Variants in PTPRT observed in about 807,000 individuals in gnomAD.
PTPRT encodes protein tyrosine phosphatase receptor type T.
PTPRT carries 56 observed loss-of-function variants against 176.8 expected under a neutral mutation model. The ratio of observed to expected loss-of-function variants is 0.32; its 90% CI spans 0.26 to 0.40. PTPRT has a LOEUF of 0.40. Among genes scored for constraint, PTPRT ranks in the 10% least tolerant of loss-of-function variants. PTPRT has a pLI of 1.00. For missense variants in PTPRT, 1,540 were observed against 1,908.2 expected (o/e 0.81, Z 3.60); for synonymous variants, 783 against 739.0 (o/e 1.06, Z -0.96).
intron 16 of PTPRT, among the ~76,000 whole-genome samples, chr20:42,175,083 C>T (rs1990234772): frequency 6.6e-6 from 1 of 151,838 alleles, no homozygotes; most frequent in Non-Finnish European, 1.5e-5. Flanking sequence ...TCCTTGAATC[C>T]CCTCTTCCTT....
intron 5 of PTPRT, among the ~76,000 whole-genome samples, chr20:42,768,541 C>T (rs979971414): frequency 2.0e-5 from 3 of 152,206 alleles, no homozygotes. Flanking sequence ...ATCTCACAGA[C>T]ATTGTGAACT....
chr20:42,260,365 A>C lies in PTPRT; in HGVS notation c.2177-11543T>G, dbSNP rs561861289. ...CCTTGCTTATAGAATCTGTGCTTTG[A>C]GCCTGGAGCTCAGGAGGCTCAAAGC... On this transcript the variant is annotated intron_variant, in intron 13 of 30. Transcript: ENST00000373187. 2.0e-5 allele frequency among the ~76,000 whole-genome samples: 3 copies of C among 152,246 alleles called. No individual in the cohort carries two copies. The East Asian group carries it at 5.8e-4, about 29-fold the overall frequency.
chr20:43,009,303 C>T (rs989105763), intron 1 of PTPRT, among the ~76,000 whole-genome samples: 1 of 152,166 alleles, frequency 6.6e-6, no homozygotes, highest in Non-Finnish European at 1.5e-5. Flanking sequence ...CCCCTGTGCC[C>T]AGCCCTGTGA....
At chr20:42,994,075 A>G (rs961769548) in intron 1 of PTPRT, among the ~76,000 whole-genome samples, 4 of 152,168 alleles carry the variant, frequency 2.6e-5, no homozygotes, top group African/African-American at 9.7e-5. Flanking sequence ...TATAATTTAA[A>G]ATATGTGTGG....
rs1209263931 is a variant in PTPRT, at chr20:42,593,710, AG to A, written c.1153+84155del. ...TAGCAACTCTCCCACTCACAATGGCAGTCCCGATTGCACAAAGAATCCAGTA... is the reference window on the plus strand; with the variant it reads ...TAGCAACTCTCCCACTCACAATGGCATCCCGATTGCACAAAGAATCCAGTA... On this transcript the variant is annotated intron_variant, in intron 7 of 30. Transcript: ENST00000373187. Among the ~76,000 whole-genome samples the A allele has an allele frequency of 3.9e-5, 6 of 152,346 alleles. No homozygotes were observed. The East Asian group carries it at 1.2e-3, about 29-fold the overall frequency.
intron 11 of PTPRT, among the ~76,000 whole-genome samples, chr20:42,344,726 C>T (rs999736930): frequency 1.3e-5 from 2 of 152,144 alleles, no homozygotes; most frequent in African/African-American, 4.8e-5. Context: ...GGGCACTCAC[C>T]TTCCCAATGT....
At chr20:42,252,997 C>T (rs1160885520) in intron 13 of PTPRT, among the ~76,000 whole-genome samples, 2 of 152,184 alleles carry the variant, frequency 1.3e-5, no homozygotes, top group African/African-American at 4.8e-5. Flanking sequence ...GGGGAACTTG[C>T]CCTAGACTCT....
intron 7 of PTPRT, among the ~76,000 whole-genome samples, chr20:42,514,169 C>T (rs183472294): frequency 2.0e-5 from 3 of 152,116 alleles, no homozygotes; most frequent in Non-Finnish European, 2.9e-5. Flanking sequence ...CTAAAATATA[C>T]GATATATTCA....
chr20:42,310,473 G>A (rs1015784954), intron 12 of PTPRT, among the ~76,000 whole-genome samples: 5 of 152,186 alleles, frequency 3.3e-5, no homozygotes, highest in Admixed American at 2.0e-4. Context: ...GCTACAAGGG[G>A]AGAGTCAAGG....
At chr20:42,907,646 C>T (rs1223020114) in intron 1 of PTPRT, among the ~76,000 whole-genome samples, 2 of 151,966 alleles carry the variant, frequency 1.3e-5, no homozygotes, top group Admixed American at 6.6e-5. Context: ...GGGGCCGTGG[C>T]GTGAGAGAGC....
intron 1 of PTPRT, among the ~76,000 whole-genome samples, chr20:43,089,339 G>A (rs1365261773): frequency 3.3e-5 from 5 of 152,140 alleles, no homozygotes; most frequent in Admixed American, 3.3e-4. Context: ...ACACAGAGGC[G>A]CCTCATGGTT....
At chr20:42,955,841 G>C (rs1351658376) in intron 1 of PTPRT, among the ~76,000 whole-genome samples, 1 of 145,378 alleles carries the variant, frequency 6.9e-6, no homozygotes, top group African/African-American at 2.5e-5. Flanking sequence ...GGGAGAAGGA[G>C]GGAGGGAGGG....
chr20:42,034,774 A>G, the PTPRT span, among the ~76,000 whole-genome samples: 3 of 152,206 alleles, frequency 2.0e-5, no homozygotes, highest in Admixed American at 6.5e-5. Context: ...TTATGCTGAC[A>G]CATTCTGTGA....
intron 7 of PTPRT, among the ~76,000 whole-genome samples, chr20:42,576,631 G>A (rs968137283): frequency 2.6e-5 from 4 of 152,126 alleles, no homozygotes; most frequent in African/African-American, 7.2e-5. Context: ...GGAGTTTTCT[G>A]ACCCAGGAGT....
chr20:42,257,012 C>T (rs1370470658), intron 13 of PTPRT, among the ~76,000 whole-genome samples: 3 of 152,178 alleles, frequency 2.0e-5, no homozygotes, highest in South Asian at 2.1e-4. Flanking sequence ...AATCCAGAAG[C>T]CAGTAGGCAT....
At chr20:42,637,214 C>T (rs2074622404) in intron 7 of PTPRT, among the ~76,000 whole-genome samples, 1 of 152,132 alleles carries the variant, frequency 6.6e-6, no homozygotes, top group African/African-American at 2.4e-5. Context: ...GGGAACTATG[C>T]TTTGAGAATT....
intron 27 of PTPRT, among the ~76,000 whole-genome samples, chr20:42,090,836 C>A (rs961017123): frequency 1.3e-5 from 2 of 152,230 alleles, no homozygotes; most frequent in African/African-American, 4.8e-5. Context: ...TTGACATTTT[C>A]TTCCTTAGAT....
chr20:42,102,023 G>A, intron 26 of PTPRT, 101 bp downstream of exon 26: 1 of 1,383,376 alleles, frequency 7.2e-7, no homozygotes, highest in East Asian at 2.3e-5. Context: ...AGGGGGGGCT[G>A]GCTGGTGGGG....
chr20:42,205,278 C>A (rs1568669772), intron 15 of PTPRT, among the ~76,000 whole-genome samples: 1 of 152,176 alleles, frequency 6.6e-6, no homozygotes, highest in Admixed American at 6.5e-5. Flanking sequence ...TAAGGCCCAA[C>A]TCAAATGTCC....
Sources: gnomAD v4.1 joint callset for allele counts (sites outside exome capture counted in the v4.1 genomes callset) on GRCh38, gnomAD v4.1.1 for gene constraint, MANE v1.5 for transcripts, NCBI Gene and HGNC (gene_info 2026-07-23, HGNC 2026-07-21) for gene names.